Variants in TTC28 observed in about 807,000 individuals in gnomAD.
TTC28 encodes tetratricopeptide repeat domain 28.
Under a neutral mutation model 198.0 loss-of-function variants are expected in TTC28, and 61 were observed. The observed-to-expected ratio is 0.31, with a 90% CI of 0.25 to 0.38. The LOEUF (loss-of-function observed/expected upper bound fraction) is 0.38. Ranked by LOEUF, TTC28 falls within the 10% of genes least tolerant of loss-of-function variation. The pLI is 1.00. For missense variants in TTC28, 2,678 were observed against 3,164.0 expected, an observed-to-expected ratio of 0.85 and a Z score of 3.69; for synonymous variants, 1,171 against 1,297.8, an observed-to-expected ratio of 0.90 and a Z score of 2.10.
Position 28,614,849 on chromosome 22 carries a change from A to C in TTC28, c.381+14703T>G, listed in dbSNP as rs1038657932. Among the ~76,000 whole-genome samples, 5 of 152,224 alleles carry C rather than the reference A, an allele frequency of 3.3e-5. No individual in the cohort carries two copies. The South Asian group carries it at 6.2e-4, about 19-fold the overall frequency. ...CTAAAACCATAAAAACCCTAGAAGAAAACCTAGGCAACAGCATTTAAGACA... is the reference window on the plus strand; with the variant it reads ...CTAAAACCATAAAAACCCTAGAAGACAACCTAGGCAACAGCATTTAAGACA... On this transcript the variant is annotated intron_variant, in intron 2 of 22. Transcript: ENST00000397906.
intron 2 of TTC28, among the ~76,000 whole-genome samples, chr22:28,574,011 C>G (rs2050103876): frequency 6.6e-6 from 1 of 152,064 alleles, no homozygotes; most frequent in Non-Finnish European, 1.5e-5. Context: ...CACGTTGTTG[C>G]AAATGACAAG....
chr22:28,208,037 C>T (rs1199499002), intron 5 of TTC28, among the ~76,000 whole-genome samples: 1 of 152,072 alleles, frequency 6.6e-6, no homozygotes, highest in Non-Finnish European at 1.5e-5. Flanking sequence ...AAGTCCTATA[C>T]CTATGATCAC....
rs562980369 is a variant in TTC28, at chr22:28,041,426, C to G, written c.3933-11060G>C. 1.2e-4 allele frequency among the ~76,000 whole-genome samples: 18 copies of G among 152,252 alleles called. No homozygotes were observed. The East Asian group carries it at 2.3e-3, about 20-fold the overall frequency. On this transcript the variant is annotated intron_variant, in intron 12 of 22. Transcript: ENST00000397906. ...CAGAACAGAAGCCTCAGAAATAACA[C>G]CACATATCTACAACCATCTGATCTT...
intron 6 of TTC28, among the ~76,000 whole-genome samples, chr22:28,155,691 T>C (rs1026427860): frequency 6.6e-6 from 1 of 152,116 alleles, no homozygotes; most frequent in Admixed American, 6.5e-5. Flanking sequence ...TGTGGTGAGA[T>C]TAGTGAAAAT....
intron 3 of TTC28, among the ~76,000 whole-genome samples, chr22:28,306,002 C>G (rs949394116): frequency 6.6e-6 from 1 of 152,012 alleles, no homozygotes; most frequent in African/African-American, 2.4e-5. Context: ...TCTTTTAATG[C>G]TCCTCTGAAA....
chr22:28,637,945 T>C (rs1365615141), intron 1 of TTC28, among the ~76,000 whole-genome samples: 3 of 152,180 alleles, frequency 2.0e-5, no homozygotes, highest in African/African-American at 7.2e-5. Flanking sequence ...TAAGTCAAAA[T>C]CTATTCACAA....
intron 2 of TTC28, among the ~76,000 whole-genome samples, chr22:28,587,898 T>C (rs1208067356): frequency 6.6e-6 from 1 of 151,966 alleles, no homozygotes. Context: ...TCCTAGCACT[T>C]TGGGAGACCA....
chr22:28,152,455 T>C (rs565963670), intron 6 of TTC28, among the ~76,000 whole-genome samples: 1 of 152,290 alleles, frequency 6.6e-6, no homozygotes, highest in East Asian at 1.9e-4. Context: ...TGTGGAAAGA[T>C]CTGTGGACTT....
intron 2 of TTC28, among the ~76,000 whole-genome samples, chr22:28,311,499 T>A (rs1267874230): frequency 3.9e-5 from 6 of 152,160 alleles, no homozygotes; most frequent in African/African-American, 1.4e-4. Context: ...AAAAACTGAT[T>A]TTTGAAAACT....
intron 12 of TTC28, among the ~76,000 whole-genome samples, chr22:28,090,427 T>C (rs1011493305): frequency 1.3e-5 from 2 of 152,128 alleles, no homozygotes; most frequent in Non-Finnish European, 2.9e-5. Context: ...CAACATAACA[T>C]TCTGAATAGA....
intron 2 of TTC28, among the ~76,000 whole-genome samples, chr22:28,505,601 A>G (rs1568985474): frequency 6.6e-6 from 1 of 152,216 alleles, no homozygotes; most frequent in Non-Finnish European, 1.5e-5. Flanking sequence ...AGCTCAGGAT[A>G]CCAGGGCCTT....
chr22:28,161,032 C>T (rs2147047956), intron 6 of TTC28, among the ~76,000 whole-genome samples: 1 of 152,166 alleles, frequency 6.6e-6, no homozygotes, highest in South Asian at 2.1e-4. Context: ...CTAACTCAGC[C>T]ATGAAGAGAT....
At chr22:28,183,050 CTTT>C (rs71316833) in intron 5 of TTC28, among the ~76,000 whole-genome samples, 1 of 141,990 alleles carries the variant, frequency 7.0e-6, no homozygotes, top group Non-Finnish European at 1.5e-5. Flanking sequence ...CCTTCAATGT[CTTT>C]TTTTTTTTTT....
intron 2 of TTC28, among the ~76,000 whole-genome samples, chr22:28,501,303 G>A (rs1221791374): frequency 6.6e-6 from 1 of 152,088 alleles, no homozygotes; most frequent in Admixed American, 6.5e-5. Flanking sequence ...TGACTCTGGA[G>A]CCTGTTATTA....
chr22:28,554,623 C>T (rs1404755628), intron 2 of TTC28, among the ~76,000 whole-genome samples: 1 of 152,164 alleles, frequency 6.6e-6, no homozygotes, highest in East Asian at 1.9e-4. Flanking sequence ...GTAATCCCAG[C>T]ACTTTGGGAG....
Position 27,979,516 on chromosome 22 carries a change from TGTG to T in TTC28, c.*2702_*2704del, listed in dbSNP as rs1936947542. 6.6e-6 allele frequency: 1 copy of T among 151,134 alleles called. No homozygotes were observed. The highest frequency in any genetic ancestry group is 2.1e-4 in the South Asian group (1 of 4,786). The allele number at this position is 151,134 out of a possible 1,614,324, so 9.4% of individuals were successfully genotyped here. Reference sequence around the variant, plus strand: ...AAAAGGCCAGGTATTGAATATTTTATGTGGTGTGGGCCAAAGGCAAAATCAAAA... The same window carrying T: ...AAAAGGCCAGGTATTGAATATTTTATGTGTGGGCCAAAGGCAAAATCAAAA... On this transcript the variant is annotated 3_prime_UTR_variant, in exon 23 of 23. Transcript: ENST00000397906.
At position 28,371,598 on chromosome 22, in the gene TTC28, A is replaced by ACTTTTTTTTTTTTT. The variant is rs2046337086; in HGVS notation, c.382-64956_382-64955insAAAAAAAAAAAAAG. On this transcript the variant is annotated intron_variant, in intron 2 of 22. Coordinates refer to ENST00000397906, the MANE Select transcript of TTC28 (RefSeq NM_001145418.2). ...ATCTTAACCAAAAAAAAAAAAAAAA[A>ACTTTTTTTTTTTTT]TTTTTTTTTTTTTTGAGACAGAGTC... Among the ~76,000 whole-genome samples the ACTTTTTTTTTTTTT allele has an allele frequency of 7.2e-5, 2 of 27,764 alleles. 1 individual carries two copies. The highest frequency in any genetic ancestry group is 1.2e-4 in the Non-Finnish European group (2 of 17,362). 18.2% of individuals were successfully genotyped at this position (27,764 alleles called of 152,430 possible). A position where few individuals can be genotyped will look rare whatever the true frequency, so the allele number is the denominator to read the frequency against.
chr22:28,600,727 T>G (rs2050626685), intron 2 of TTC28, among the ~76,000 whole-genome samples: 1 of 152,108 alleles, frequency 6.6e-6, no homozygotes, highest in Non-Finnish European at 1.5e-5. Context: ...AACTATAAAT[T>G]AAACACAAGA....
At chr22:28,518,724 T>G (rs892188898) in intron 2 of TTC28, among the ~76,000 whole-genome samples, 1 of 152,202 alleles carries the variant, frequency 6.6e-6, no homozygotes, top group Non-Finnish European at 1.5e-5. Flanking sequence ...GGAAGTAACA[T>G]GTTTGGCAGA....
Sources: allele counts gnomAD v4.1 joint callset (sites outside exome capture counted in the v4.1 genomes callset), GRCh38; gene constraint gnomAD v4.1.1; transcripts MANE v1.5; gene names NCBI Gene and HGNC (gene_info 2026-07-23, HGNC 2026-07-21).